CLEC16A: variants seen among roughly 807,000 people sequenced by gnomAD.
CLEC16A encodes the protein C-type lectin domain containing 16A.
Under a neutral mutation model 109.5 loss-of-function variants are expected in CLEC16A, and 51 were observed. That is an observed-to-expected ratio of 0.47 (90% CI 0.37 to 0.59). The LOEUF (loss-of-function observed/expected upper bound fraction) is 0.59. Among genes scored for constraint, CLEC16A ranks in the 20% least tolerant of loss-of-function variants. The pLI is 0.00. For missense variants in CLEC16A, 1,339 were observed against 1,394.0 expected (o/e 0.96, Z 0.63); for synonymous variants, 673 against 564.2 (o/e 1.19, Z -2.73).
At chr16:11,127,241 A>C (rs1460679680) in intron 22 of CLEC16A, among the ~76,000 whole-genome samples, 1 of 152,216 alleles carries the variant, frequency 6.6e-6, no homozygotes, top group Non-Finnish European at 1.5e-5. Flanking sequence ...CTTCCTTAAT[A>C]GAAAGTGTCA....
At chr16:11,141,190 T>C (rs2053808880) in intron 22 of CLEC16A, among the ~76,000 whole-genome samples, 2 of 152,338 alleles carry the variant, frequency 1.3e-5, no homozygotes, top group Middle Eastern at 3.4e-3. Flanking sequence ...TTCTAGCCAG[T>C]GCTTTTGGGC....
At chr16:11,063,555 A>G (rs1459389875) in intron 19 of CLEC16A, among the ~76,000 whole-genome samples, 3 of 152,108 alleles carry the variant, frequency 2.0e-5, no homozygotes, top group African/African-American at 7.2e-5. Flanking sequence ...CTAGGCTTAA[A>G]GGAGTGCTGT....
At chr16:11,072,421 T>C (rs1012242199) in intron 19 of CLEC16A, among the ~76,000 whole-genome samples, 1 of 152,206 alleles carries the variant, frequency 6.6e-6, no homozygotes, top group Admixed American at 6.5e-5. Context: ...AGCTGGCCTA[T>C]TCTATTCTTT....
rs747798193 is a variant in CLEC16A, at chr16:10,971,117, T to C, written c.493-8T>C. ...TATAATTTGTTTTCGTTATTTCTTT[T>C]GTTTTAGCACACCAATGACTTTGCC... is the stretch of plus-strand genomic sequence containing the variant. On this transcript the variant is annotated splice_region_variant and splice_polypyrimidine_tract_variant and intron_variant, in intron 4 of 23. Coordinates refer to ENST00000409790, the MANE Select transcript of CLEC16A (RefSeq NM_015226.3). 1.2e-6 allele frequency: 2 copies of C among 1,600,962 alleles called. No individual in the cohort carries two copies. Among genetic ancestry groups the C allele is most frequent in the East Asian group, 4.5e-5 (2 of 44,810 alleles).
At chr16:11,121,879 CAAAAAAAAAAAAA>C (rs536067685) in intron 20 of CLEC16A, among the ~76,000 whole-genome samples, 5 of 29,828 alleles carry the variant, frequency 1.7e-4, no homozygotes, top group Non-Finnish European at 2.3e-4. Flanking sequence ...GACCCTGTCT[CAAAAAAAAAAAAA>C]AAAAAAAAAA....
intron 10 of CLEC16A, among the ~76,000 whole-genome samples, chr16:10,999,510 G>C (rs1045046806): frequency 1.3e-5 from 2 of 152,052 alleles, no homozygotes; most frequent in African/African-American, 4.8e-5. Flanking sequence ...AGTTTATTTA[G>C]GAATAAAAAG....
At chr16:11,131,217 G>A (rs1331407973) in intron 22 of CLEC16A, among the ~76,000 whole-genome samples, 2 of 152,204 alleles carry the variant, frequency 1.3e-5, no homozygotes, top group Non-Finnish European at 2.9e-5. Context: ...CTGTGGCTTT[G>A]AGTGCCATGT....
At chr16:11,056,582 G>A (rs148909359) in intron 18 of CLEC16A, 1 of 152,318 alleles carries the variant, frequency 6.6e-6, no homozygotes, top group East Asian at 1.9e-4. Context: ...ATATTTGCAC[G>A]AGGTTTTATT....
chr16:11,114,650 A>C (rs2051846133), intron 19 of CLEC16A, among the ~76,000 whole-genome samples: 1 of 152,102 alleles, frequency 6.6e-6, no homozygotes, highest in South Asian at 2.1e-4. Flanking sequence ...TCCTCAACCC[A>C]AGACCCCATG....
intron 22 of CLEC16A, among the ~76,000 whole-genome samples, chr16:11,150,481 G>T (rs185408405): frequency 1.3e-5 from 2 of 152,070 alleles, no homozygotes; most frequent in Non-Finnish European, 2.9e-5. Context: ...TTTCTATCCC[G>T]GGCAGCGTTG....
intron 19 of CLEC16A, among the ~76,000 whole-genome samples, chr16:11,114,427 C>T (rs1177865694): frequency 6.6e-6 from 1 of 152,088 alleles, no homozygotes; most frequent in Non-Finnish European, 1.5e-5. Context: ...CTGTCAGCTG[C>T]ACTGGCCTCT....
chr16:10,961,730 A>G lies in CLEC16A; in HGVS notation c.210-725A>G, dbSNP rs2042255651. The stretch of plus-strand genomic sequence containing the variant: ...TAGTTATTTTCCCCTAGAACTTGAC[A>G]ATTTGGGAGCCACAGTACATTTGGT... On this transcript the variant is annotated intron_variant, in intron 2 of 23. Coordinates refer to ENST00000409790, the MANE Select transcript of CLEC16A (RefSeq NM_015226.3). The surrounding 1 kb of genome is among the most constrained non-coding windows in gnomAD (Gnocchi z 4.3). Among the ~76,000 whole-genome samples the G allele has an allele frequency of 6.6e-6, 1 of 152,116 alleles. No individual in the cohort carries two copies. Among genetic ancestry groups the G allele is most frequent in the Non-Finnish European group, 1.5e-5 (1 of 68,006 alleles).
In CLEC16A at chr16:11,123,827, C is replaced by G. The variant is rs200679772; in HGVS notation, c.2354C>G (p.Pro785Arg). The G allele has an allele frequency of 6.2e-7, 1 of 1,614,062 alleles. No individual in the cohort carries two copies. The highest frequency in any genetic ancestry group is 8.5e-7 in the Non-Finnish European group (1 of 1,179,902). The stretch of plus-strand genomic sequence containing the variant: ...CCTGCGTCCAGCCCCCATTCCAAGC[C>G]CTTCCCCATCCTCCAGGCCACCTTC... ...HKPASSPHSKPFPILQATFIF... is the reference protein window; with the variant it reads ...HKPASSPHSKRFPILQATFIF... The change falls in exon 21 of 24, where the codon CCC (proline) becomes CGC (arginine). Residue 785 changes from proline (P) to arginine (R), a missense_variant. By Grantham distance (103) the Pro-to-Arg change is moderately radical. Transcript: ENST00000409790.
intron 10 of CLEC16A, among the ~76,000 whole-genome samples, chr16:10,991,914 T>C (rs1596934147): frequency 6.6e-6 from 1 of 152,170 alleles, no homozygotes; most frequent in African/African-American, 2.4e-5. Context: ...GGCTTGGTGG[T>C]GTGAGTCATT....
rs1369105992 is a variant in CLEC16A at position 11,039,862 on chromosome 16, A to G, written c.1646A>G (p.Asn549Ser). 2.5e-6 allele frequency: 4 copies of G among 1,612,854 alleles called. No individual in the cohort carries two copies. Among genetic ancestry groups the G allele is most frequent in the Non-Finnish European group, 2.5e-6 (3 of 1,179,496 alleles). Reference sequence around the variant, plus strand: ...GAAAGACTCATCAGGATCATGAACAACGCTGCCCAGCCAGGTGCCCACTTG... The same window carrying G: ...GAAAGACTCATCAGGATCATGAACAGCGCTGCCCAGCCAGGTGCCCACTTG... Reference protein sequence around the residue: ...LAERLIRIMNNAAQPDGKIRL... With the variant: ...LAERLIRIMNSAAQPDGKIRL... Residue 549 changes from asparagine to serine, a missense_variant, in exon 14 of 24, where the codon AAC becomes AGC. Coordinates refer to ENST00000409790, the MANE Select transcript of CLEC16A (RefSeq NM_015226.3).
intron 19 of CLEC16A, among the ~76,000 whole-genome samples, chr16:11,107,981 C>T (rs2051327613): frequency 6.6e-6 from 1 of 152,244 alleles, no homozygotes; most frequent in African/African-American, 2.4e-5. Context: ...GTATGGTGGC[C>T]AAGGCCCCTC....
At chr16:10,971,395 TG>T in intron 5 of CLEC16A, 165 bp downstream of exon 5, 1 of 384,984 alleles carries the variant, frequency 2.6e-6, no homozygotes, top group Non-Finnish European at 3.6e-6. Flanking sequence ...AGCATTTAGC[TG>T]GCCGCTCATG....
intron 20 of CLEC16A, among the ~76,000 whole-genome samples, chr16:11,121,102 A>C (rs552198511): frequency 1.9e-4 from 29 of 152,330 alleles, no homozygotes; most frequent in African/African-American, 7.0e-4. Context: ...AATTATATAC[A>C]TATACTTGAG....
At chr16:10,966,294 A>G (rs8059260) in intron 3 of CLEC16A, among the ~76,000 whole-genome samples, 36,159 of 152,210 alleles carry the variant, frequency 0.24, 5,480 homozygotes, top group African/African-American at 0.44. Context: ...TAAGCGAAAG[A>G]GGCCAGACAT....
Sources: gnomAD v4.1 joint callset for allele counts (sites outside exome capture counted in the v4.1 genomes callset) on GRCh38, gnomAD v4.1.1 for gene constraint, Gnocchi (gnomAD v3.1) non-coding constraint, MANE v1.5 for transcripts, NCBI Gene and HGNC (gene_info 2026-07-23, HGNC 2026-07-21) for gene names.